DPYD: variants seen among roughly 807,000 people sequenced by gnomAD.
DPYD encodes dihydropyrimidine dehydrogenase [NADP(+)].
Under a neutral mutation model 116.2 loss-of-function variants are expected in DPYD, and 109 were observed. That is an observed-to-expected ratio of 0.94 (90% CI 0.80 to 1.10). The LOEUF (loss-of-function observed/expected upper bound fraction) is 1.10, where lower values mean the gene tolerates loss of function less well. DPYD is among the 50% of genes least tolerant of loss of function. The pLI is 0.00. For synonymous variants in DPYD, 440 were observed against 432.0 expected (o/e 1.02, Z -0.23); for missense variants, 1,302 against 1,254.5 (o/e 1.04, Z -0.57).
At chr1:97,201,609 T>C (rs1659208181) in intron 19 of DPYD, among the ~76,000 whole-genome samples, 1 of 152,114 alleles carries the variant, frequency 6.6e-6, no homozygotes, top group African/African-American at 2.4e-5. Flanking sequence ...ACATAGTAAA[T>C]AGGGAACTAG....
At chr1:97,289,445 A>C (rs1247306798) in intron 18 of DPYD, among the ~76,000 whole-genome samples, 1 of 152,092 alleles carries the variant, frequency 6.6e-6, no homozygotes, top group African/African-American at 2.4e-5. Flanking sequence ...TCAATAAAAT[A>C]CTGGCAAAAC....
At chr1:97,314,161 A>T (rs1477128154) in intron 16 of DPYD, among the ~76,000 whole-genome samples, 1 of 151,916 alleles carries the variant, frequency 6.6e-6, no homozygotes, top group African/African-American at 2.4e-5. Context: ...AGTCCACGAG[A>T]ACCCACCTGA....
At chr1:97,540,359 GAACAA>G (rs775739257) in intron 12 of DPYD, among the ~76,000 whole-genome samples, 7,426 of 142,628 alleles carry the variant, frequency 0.052, 523 homozygotes, top group African/African-American at 0.15. Flanking sequence ...GCGGGGCAGG[GAACAA>G]AACAAAACAA....
chr1:97,231,536 C>A (rs1330819469), intron 19 of DPYD, among the ~76,000 whole-genome samples: 1 of 152,142 alleles, frequency 6.6e-6, no homozygotes, highest in Admixed American at 6.5e-5. Context: ...ACCACCAGAT[C>A]TAGTGAGACT....
At chr1:97,396,555 G>C (rs1673015223) in intron 14 of DPYD, among the ~76,000 whole-genome samples, 1 of 152,136 alleles carries the variant, frequency 6.6e-6, no homozygotes, top group African/African-American at 2.4e-5. Flanking sequence ...AATAAAATTA[G>C]AGGAAAGAAT....
At chr1:97,439,996 C>T (rs1451145654) in intron 14 of DPYD, among the ~76,000 whole-genome samples, 1 of 151,688 alleles carries the variant, frequency 6.6e-6, no homozygotes, top group Non-Finnish European at 1.5e-5. Context: ...CTATTTTCGG[C>T]CGGGCGCGGT....
chr1:97,465,891 A>T (rs767661709), intron 13 of DPYD, among the ~76,000 whole-genome samples: 13 of 152,208 alleles, frequency 8.5e-5, no homozygotes, highest in Middle Eastern at 3.4e-3. Flanking sequence ...TTCTAAATTC[A>T]TTGAGCTCAG....
chr1:97,407,340 T>C (rs527433101), intron 14 of DPYD, among the ~76,000 whole-genome samples: 6 of 152,330 alleles, frequency 3.9e-5, no homozygotes, highest in Non-Finnish European at 8.8e-5. Flanking sequence ...TAAAATTCTA[T>C]GTCAATACTT....
At chr1:97,191,250 T>C (rs1056819079) in intron 20 of DPYD, among the ~76,000 whole-genome samples, 1 of 151,682 alleles carries the variant, frequency 6.6e-6, no homozygotes, top group Admixed American at 6.6e-5. Context: ...GATTAGGAAA[T>C]CACCTGTACC....
chr1:97,580,378 A>T (rs1026141728), intron 10 of DPYD, among the ~76,000 whole-genome samples: 6 of 152,306 alleles, frequency 3.9e-5, no homozygotes, highest in African/African-American at 1.4e-4. Context: ...ATATTATCTC[A>T]TTTCATCACT....
Position 97,148,756 on chromosome 1 carries a change from G to A in DPYD, c.2622+44313C>T, listed in dbSNP as rs146555710. On this transcript the variant is annotated intron_variant, in intron 20 of 22. Transcript: ENST00000370192. The stretch of plus-strand genomic sequence containing the variant: ...ACGACAAACATCTTTGAACTCCTGT[G>A]ATTAAATAAGCAGAAACACTTGATA... Among the ~76,000 whole-genome samples, 287 of 152,238 alleles carry A rather than the reference G, an allele frequency of 1.9e-3. 4 individuals carry two copies. The highest frequency in any genetic ancestry group is 6.6e-3 in the African/African-American group (276 of 41,566).
At chr1:97,573,637 A>T in intron 11 of DPYD, 123 bp downstream of exon 11, 2 of 1,198,674 alleles carry the variant, frequency 1.7e-6, no homozygotes, top group Non-Finnish European at 2.4e-6. Flanking sequence ...GATTGCTTTT[A>T]CTTCTTAACT....
At chr1:97,760,013 T>C (rs1011369568) in intron 3 of DPYD, among the ~76,000 whole-genome samples, 1 of 152,128 alleles carries the variant, frequency 6.6e-6, no homozygotes, top group African/African-American at 2.4e-5. Context: ...AGAAAGTGGC[T>C]TTTGGGATGA....
At chr1:97,802,115 G>T (rs936626273) in intron 3 of DPYD, among the ~76,000 whole-genome samples, 1 of 151,976 alleles carries the variant, frequency 6.6e-6, no homozygotes, top group South Asian at 2.1e-4. Context: ...TGACTGGGAG[G>T]TAAAGACGTA....
At chr1:97,610,954 T>TA (rs1655905311) in intron 8 of DPYD, among the ~76,000 whole-genome samples, 1 of 151,534 alleles carries the variant, frequency 6.6e-6, no homozygotes, top group African/African-American at 2.4e-5. Context: ...TTTGTAACTA[T>TA]ATATCGGTGT....
At chr1:97,755,830 T>TATGTGGAAC (rs1665196447) in intron 3 of DPYD, among the ~76,000 whole-genome samples, 1 of 152,150 alleles carries the variant, frequency 6.6e-6, no homozygotes, top group Non-Finnish European at 1.5e-5. Context: ...ATAAATAATA[T>TATGTGGAAC]ATGTGGAACA....
chr1:97,141,100 T>C (rs992381514), intron 20 of DPYD, among the ~76,000 whole-genome samples: 2 of 152,106 alleles, frequency 1.3e-5, no homozygotes, highest in African/African-American at 4.8e-5. Context: ...CAAAATGGAA[T>C]GGGAAGTACT....
At chr1:97,631,981 C>T (rs1050379181) in intron 8 of DPYD, among the ~76,000 whole-genome samples, 8 of 151,936 alleles carry the variant, frequency 5.3e-5, no homozygotes, top group Admixed American at 2.6e-4. Context: ...TCTATACCAC[C>T]GTTCGATTGT....
intron 8 of DPYD, among the ~76,000 whole-genome samples, chr1:97,642,733 G>A (rs1208069209): frequency 2.8e-5 from 3 of 107,634 alleles, no homozygotes; most frequent in African/African-American, 1.1e-4. Flanking sequence ...GACTGTTGTG[G>A]GGTGGGGGGA....
Sources: gnomAD v4.1 joint callset for allele counts (sites outside exome capture counted in the v4.1 genomes callset) on GRCh38, gnomAD v4.1.1 for gene constraint, MANE v1.5 for transcripts, NCBI Gene and HGNC (gene_info 2026-07-23, HGNC 2026-07-21) for gene names.